Variants in COMMD1 observed in about 807,000 individuals in gnomAD.
COMMD1 encodes the protein COMM domain-containing protein 1.
COMMD1 carries 10 observed loss-of-function variants against 17.2 expected under a neutral mutation model. The observed-to-expected ratio is 0.58, with a 90% confidence interval of 0.36 to 0.99. COMMD1 has a LOEUF of 0.99. Ranked by LOEUF, COMMD1 falls within the 50% of genes least tolerant of loss-of-function variation. COMMD1 has a pLI of 0.01. For synonymous variants in COMMD1, 97 were observed against 91.6 expected (o/e 1.06, Z -0.34); for missense variants, 270 against 231.8 (o/e 1.17, Z -1.07).
chr2:61,902,266 G>T (rs138862462), upstream of COMMD1, among the ~76,000 whole-genome samples: 4 of 151,850 alleles, frequency 2.6e-5, no homozygotes, highest in African/African-American at 9.7e-5. Flanking sequence ...CCAGCACTTT[G>T]GGAGGCCGAG....
At chr2:61,978,683 A>G (rs1049155205) in intron 1 of COMMD1, among the ~76,000 whole-genome samples, 3 of 152,046 alleles carry the variant, frequency 2.0e-5, no homozygotes, top group African/African-American at 4.8e-5. Flanking sequence ...AATGCTTGCT[A>G]TTGACTGGGA....
At chr2:61,954,147 T>G (rs1225250986) in intron 1 of COMMD1, among the ~76,000 whole-genome samples, 1 of 151,982 alleles carries the variant, frequency 6.6e-6, no homozygotes. Context: ...AGGCAGAGGT[T>G]GCAATGAGCC....
intron 2 of COMMD1, among the ~76,000 whole-genome samples, chr2:62,094,361 T>A (rs1340066725): frequency 6.6e-6 from 1 of 152,160 alleles, no homozygotes; most frequent in Non-Finnish European, 1.5e-5. Flanking sequence ...AATTCTTTGA[T>A]GTTTTTGCAT....
Position 61,991,826 on chromosome 2 carries a change from C to A in COMMD1, c.181-8875C>A, listed in dbSNP as rs560359460. On this transcript the variant is annotated intron_variant, in intron 1 of 2. Transcript: ENST00000311832. ...AAGTTGTAAGACACTAAAAGATAAGCAGGGCCTGTTGTGTTGAGTTTGAAC... is the reference window on the plus strand; with the variant it reads ...AAGTTGTAAGACACTAAAAGATAAGAAGGGCCTGTTGTGTTGAGTTTGAAC... Among the ~76,000 whole-genome samples the A allele has an allele frequency of 2.4e-4, 36 of 152,294 alleles. No individual in the cohort carries two copies. The South Asian group carries it at 6.8e-3, about 29-fold the overall frequency.
intron 2 of COMMD1, among the ~76,000 whole-genome samples, chr2:62,076,601 G>T (rs1671342418): frequency 6.6e-6 from 1 of 152,106 alleles, no homozygotes; most frequent in African/African-American, 2.4e-5. Context: ...ACAAAAACTA[G>T]CCGGGCATGG....
chr2:62,010,297 C>CA (rs1654791542), intron 2 of COMMD1, among the ~76,000 whole-genome samples: 1 of 149,424 alleles, frequency 6.7e-6, no homozygotes, highest in African/African-American at 2.5e-5. Flanking sequence ...CCTTCTAGCT[C>CA]TTTTTTTTTT....
At chr2:61,937,926 A>G (rs1438223617) in intron 1 of COMMD1, among the ~76,000 whole-genome samples, 9 of 152,046 alleles carry the variant, frequency 5.9e-5, no homozygotes, top group Non-Finnish European at 1.5e-5. Context: ...ACCTTGACCT[A>G]ATTATATCCT....
chr2:61,930,320 G>A (rs992085463), intron 1 of COMMD1, among the ~76,000 whole-genome samples: 1 of 152,152 alleles, frequency 6.6e-6, no homozygotes, highest in African/African-American at 2.4e-5. Context: ...CACTTTGGGA[G>A]GCCGAGGCAG....
chr2:61,931,368 G>A (rs1313609288), intron 1 of COMMD1, among the ~76,000 whole-genome samples: 3 of 152,012 alleles, frequency 2.0e-5, no homozygotes, highest in Admixed American at 1.3e-4. Context: ...GATGGCTTGG[G>A]AAACCAATAT....
At chr2:61,905,930 T>C (rs1572947510) in intron 1 of COMMD1, 72 bp downstream of exon 1, 3 of 1,483,954 alleles carry the variant, frequency 2.0e-6, no homozygotes, top group Non-Finnish European at 2.8e-6. Context: ...TCTCCCCCCC[T>C]TGCCTTCCCC....
chr2:62,009,314 A>G (rs1669214072), intron 2 of COMMD1, among the ~76,000 whole-genome samples: 1 of 152,296 alleles, frequency 6.6e-6, no homozygotes, highest in East Asian at 1.9e-4. Context: ...GAGAAAAAAG[A>G]AAGAATAAGA....
At chr2:62,012,466 G>A (rs1473145579) in intron 2 of COMMD1, among the ~76,000 whole-genome samples, 1 of 151,770 alleles carries the variant, frequency 6.6e-6, no homozygotes, top group Non-Finnish European at 1.5e-5. Flanking sequence ...TTACAGGCAT[G>A]CACCACCACG....
intron 2 of COMMD1, among the ~76,000 whole-genome samples, chr2:62,038,269 C>T (rs927827926): frequency 7.2e-5 from 11 of 152,222 alleles, no homozygotes; most frequent in East Asian, 3.9e-4. Flanking sequence ...GCCTGGGTGA[C>T]GGAGTGAGAC....
chr2:62,046,947 C>T (rs868805672), intron 2 of COMMD1, among the ~76,000 whole-genome samples: 20 of 152,250 alleles, frequency 1.3e-4, no homozygotes, highest in Middle Eastern at 6.8e-3. Context: ...TTCCTACCAC[C>T]ACCCCAAACT....
intron 2 of COMMD1, among the ~76,000 whole-genome samples, chr2:62,104,365 G>A (rs1285754823): frequency 6.6e-6 from 1 of 151,914 alleles, no homozygotes; most frequent in Non-Finnish European, 1.5e-5. Context: ...CAGGCGCAGT[G>A]GCTCACGCCT....
chr2:62,024,774 C>T (rs1477583461), intron 2 of COMMD1, among the ~76,000 whole-genome samples: 1 of 152,046 alleles, frequency 6.6e-6, no homozygotes, highest in Non-Finnish European at 1.5e-5. Context: ...CTGATGCCAT[C>T]GGACCTGTAA....
At chr2:62,060,732 G>A (rs1670832932) in intron 2 of COMMD1, among the ~76,000 whole-genome samples, 1 of 152,044 alleles carries the variant, frequency 6.6e-6, no homozygotes, top group African/African-American at 2.4e-5. Context: ...TATTCTTGAT[G>A]GATATTTTTG....
chr2:62,042,406 CG>C (rs1230867627), intron 2 of COMMD1, among the ~76,000 whole-genome samples: 2 of 152,224 alleles, frequency 1.3e-5, no homozygotes, highest in African/African-American at 2.4e-5. Context: ...GAAGCCCAGC[CG>C]GCTTTACCTC....
At chr2:62,006,903 A>G (rs1478239612) in intron 2 of COMMD1, among the ~76,000 whole-genome samples, 1 of 151,996 alleles carries the variant, frequency 6.6e-6, no homozygotes, top group Non-Finnish European at 1.5e-5. Flanking sequence ...ATTTATGGTT[A>G]TTTCTTCTTT....
Sources: allele counts gnomAD v4.1 joint callset (sites outside exome capture counted in the v4.1 genomes callset), GRCh38; gene constraint gnomAD v4.1.1; transcripts MANE v1.5; gene names NCBI Gene and HGNC (gene_info 2026-07-23, HGNC 2026-07-21).